The following AGL variants were observed in gnomAD, a reference collection of about 807,000 sequenced individuals.
AGL encodes the protein amylo-alpha-1,6-glucosidase and 4-alpha-glucanotransferase, also known as glycogen debranching enzyme.
AGL carries 128 observed loss-of-function variants against 199.3 expected under a neutral mutation model. That is an observed-to-expected ratio of 0.64 (90% confidence interval 0.56 to 0.74). AGL has a LOEUF of 0.74. AGL is among the 30% of genes least tolerant of loss of function. The pLI, the probability that AGL is intolerant of heterozygous loss-of-function variation, is 0.00. For synonymous variants in AGL, 584 were observed against 594.7 expected (o/e 0.98, Z 0.26); for missense variants, 1,809 against 1,820.8 (o/e 0.99, Z 0.12).
chr1:99,881,822 G>A (rs1402405463), intron 17 of AGL, 131 bp downstream of exon 17: 2 of 948,050 alleles, frequency 2.1e-6, no homozygotes, highest in Admixed American at 2.9e-5. Context: ...ACGTACTTGA[G>A]AAAAAGAATT....
chr1:99,884,837 C>A, intron 20 of AGL, 134 bp downstream of exon 20: 1 of 1,041,386 alleles, frequency 9.6e-7, no homozygotes, highest in Non-Finnish European at 1.5e-6. Flanking sequence ...GTGTCAGCAT[C>A]ACCTGTTGTT....
intron 2 of AGL, among the ~76,000 whole-genome samples, chr1:99,857,807 G>GA (rs1202530130): frequency 2.1e-5 from 3 of 142,244 alleles, no homozygotes; most frequent in Non-Finnish European, 4.6e-5. Flanking sequence ...CCGTGGGGAG[G>GA]GGGAGGGGGG....
intron 2 of AGL, among the ~76,000 whole-genome samples, chr1:99,853,549 G>A (rs1413731489): frequency 6.6e-6 from 1 of 152,196 alleles, no homozygotes; most frequent in African/African-American, 2.4e-5. Flanking sequence ...ATGAAGCAGT[G>A]TCTAAAGGCT....
upstream of AGL, among the ~76,000 whole-genome samples, chr1:99,849,929 C>T (rs1648795483): frequency 6.6e-6 from 1 of 152,230 alleles, no homozygotes; most frequent in African/African-American, 2.4e-5. Context: ...AGGAAGGCCG[C>T]GCCTTGGCCG....
At chr1:99,898,338 G>T (rs1306879654) in intron 25 of AGL, among the ~76,000 whole-genome samples, 1 of 152,054 alleles carries the variant, frequency 6.6e-6, no homozygotes, top group Non-Finnish European at 1.5e-5. Context: ...GAGCCACTGC[G>T]CCCTACCAGA....
chr1:99,906,185 A>G (rs1654277442), intron 27 of AGL, among the ~76,000 whole-genome samples: 2 of 152,166 alleles, frequency 1.3e-5, no homozygotes, highest in African/African-American at 4.8e-5. Context: ...TTCTGCCTCT[A>G]TAAATTCAAT....
intron 2 of AGL, among the ~76,000 whole-genome samples, chr1:99,857,494 C>G (rs1394663396): frequency 4.0e-5 from 6 of 151,796 alleles, no homozygotes; most frequent in Admixed American, 3.9e-4. Flanking sequence ...GAGCCGAGAT[C>G]ACGCCACTGC....
chr1:99,877,624 A>G lies in AGL; in HGVS notation c.1424-17A>G. On this transcript the variant is annotated splice_polypyrimidine_tract_variant and intron_variant, in intron 11 of 33. Transcript: ENST00000361915. The stretch of plus-strand genomic sequence containing the variant: ...TTTATTTCTTGAACCATTGAAAGCA[A>G]TCTCTTTTCTGAACAGGTTCAGAAG... The G allele has an allele frequency of 6.2e-7, 1 of 1,612,888 alleles. No homozygotes were observed.
At chr1:99,874,664 G>T (rs761898282) in intron 7 of AGL, 23 bp from the exon 8 acceptor site, 111 of 1,599,578 alleles carry the variant, frequency 6.9e-5, no homozygotes, top group Non-Finnish European at 8.6e-5. Context: ...TGCATTTAAG[G>T]TATCGTCTTT....
At position 99,862,307 on chromosome 1, in the gene AGL, T is replaced by C. The variant is rs567992352; in HGVS notation, c.344T>C (p.Val115Ala). Residue 115 changes from valine to alanine, a missense_variant, in exon 4 of 34, where the codon GTT becomes GCT. By Grantham distance (64) the Val-to-Ala change is moderately conservative. Coordinates refer to ENST00000361915, the MANE Select transcript of AGL (RefSeq NM_000642.3). ...ATAGTTGTGGACCCCATTTTACGTG[T>C]TGGTGCTGATAATCATGTGCTACCC... ...GYIVVDPILR[V>A]GADNHVLPLD... is the part of the protein sequence containing the mutation. 275 of 1,614,100 alleles carry C rather than the reference T, an allele frequency of 1.7e-4. 2 individuals carry two copies. In the South Asian group the frequency reaches 2.8e-3, roughly 16 times the overall value.
chr1:99,887,692 A>G (rs1181752709), intron 20 of AGL, among the ~76,000 whole-genome samples: 2 of 152,224 alleles, frequency 1.3e-5, no homozygotes, highest in African/African-American at 4.8e-5. Context: ...AAGATAAAGG[A>G]TATAGAAGCC....
chr1:99,871,348 G>A (rs528364737), intron 7 of AGL, among the ~76,000 whole-genome samples: 11 of 150,504 alleles, frequency 7.3e-5, no homozygotes, highest in Admixed American at 6.7e-4. Flanking sequence ...ATATTGACGA[G>A]ATAACAAAAG....
chr1:99,887,182 T>C (rs1652515820), intron 20 of AGL, among the ~76,000 whole-genome samples: 1 of 152,198 alleles, frequency 6.6e-6, no homozygotes, highest in African/African-American at 2.4e-5. Flanking sequence ...TTCAAGAGGA[T>C]ATGTGTTCAC....
Position 99,910,817 on chromosome 1 carries a change from C to T in AGL, c.3806C>T (p.Ala1269Val). 6.2e-7 allele frequency: 1 copy of T among 1,613,002 alleles called. No homozygotes were observed. Among genetic ancestry groups the T allele is most frequent in the Non-Finnish European group, 8.5e-7 (1 of 1,179,354 alleles). The part of the protein sequence containing the change: ...WMDKMGESDR[A>V]RNRGIPATPR... ...GATAAAATGGGAGAAAGTGACAGAGCTAGAAACAGAGGAATCCCAGCCACA... is the reference window on the plus strand; with the variant it reads ...GATAAAATGGGAGAAAGTGACAGAGTTAGAAACAGAGGAATCCCAGCCACA... The change falls in exon 28 of 34, where the codon GCT becomes GTT. Residue 1269 changes from alanine (A) to valine (V), a missense_variant. Transcript: ENST00000361915.
chr1:99,912,699 A>G (rs1465038890), intron 29 of AGL, among the ~76,000 whole-genome samples, 182 bp downstream of exon 29: 1 of 152,218 alleles, frequency 6.6e-6, no homozygotes, highest in Non-Finnish European at 1.5e-5. Context: ...TATTTGTCGC[A>G]ACTTTGAACT....
rs1358563329 is a variant in AGL at position 99,876,575 on chromosome 1, T to A, written c.1401T>A (p.Pro467=). 6.2e-7 allele frequency: 1 copy of A among 1,613,984 alleles called. No individual in the cohort carries two copies. The highest frequency in any genetic ancestry group is 1.3e-5 in the African/African-American group (1 of 74,942). Residue 467 remains proline, a synonymous_variant, in exon 11 of 34, where the codon CCT becomes CCA. Transcript: ENST00000361915. ...ATGGATGGGTAATGGGAGATGATCC[T>A]CTTCGAAACTTTGCTGAACCGGGTA... The part of the protein sequence containing the change: ...AHNGWVMGDD[P]LRNFAEPGSE...
At position 99,913,513 on chromosome 1, in the gene AGL, A is replaced by T. The variant is rs1363509883; in HGVS notation, c.3950-14A>T. The stretch of plus-strand genomic sequence containing the variant: ...TGAATGATTAAAACTACCATGTCTT[A>T]TGTCATTTTTCAGGAAAGGCTATAA... On this transcript the variant is annotated splice_polypyrimidine_tract_variant and intron_variant, in intron 29 of 33. Coordinates refer to ENST00000361915, the MANE Select transcript of AGL (RefSeq NM_000642.3). 1.3e-5 allele frequency: 20 copies of T among 1,588,216 alleles called. No homozygotes were observed. The highest frequency in any genetic ancestry group is 1.7e-5 in the Non-Finnish European group (20 of 1,157,402).
rs1248994378 is a variant in AGL, at chr1:99,916,497, T to A, written c.4347T>A (p.Pro1449=). ...AAGGTTTCAATTATCACCAAGGACC[T>A]GTAAGAATTTCATTTATCTTCTGAG... is the stretch of plus-strand genomic sequence containing the variant. The part of the protein sequence containing the change: ...LAKGFNYHQG[P]EWLWPIGYFL... Residue 1449 remains proline (P), a splice_region_variant and synonymous_variant, in exon 32 of 34, where the codon CCT becomes CCA. Coordinates refer to ENST00000361915, the MANE Select transcript of AGL (RefSeq NM_000642.3). 1.2e-6 allele frequency: 2 copies of A among 1,609,184 alleles called. No individual in the cohort carries two copies. The highest frequency in any genetic ancestry group is 3.3e-5 in the Admixed American group (2 of 59,868).
rs1198908336 is a variant in AGL, at chr1:99,881,323, C to G, written c.2033C>G (p.Thr678Ser). The G allele has an allele frequency of 1.9e-6, 3 of 1,613,946 alleles. No homozygotes were observed. In the African/African-American group the frequency reaches 4.0e-5, roughly 22 times the overall value. ...GTGGTTTCTGAAGAACGGTTTTACA[C>G]TAAGTGGAATCCTGAAGCATTGCCT... ...ISVVSEERFY[T>S]KWNPEALPSN... The change falls in exon 16 of 34, where the codon ACT becomes AGT. Residue 678 changes from threonine to serine, a missense_variant. Thr to Ser is a moderately conservative substitution (Grantham distance 58). Transcript: ENST00000361915.
Sources: allele counts gnomAD v4.1 joint callset (sites outside exome capture counted in the v4.1 genomes callset), GRCh38; gene constraint gnomAD v4.1.1; transcripts MANE v1.5; gene names NCBI Gene and HGNC (gene_info 2026-07-23, HGNC 2026-07-21).